The following DLG2 variants were observed in gnomAD, a reference collection of about 807,000 sequenced individuals.
The protein encoded by DLG2 is disks large homolog 2.
A neutral mutation model predicts 132.5 loss-of-function variants in DLG2; 45 were observed. The observed-to-expected ratio is 0.34, with a 90% confidence interval of 0.27 to 0.44. The LOEUF (loss-of-function observed/expected upper bound fraction) is 0.44. Among genes scored for constraint, DLG2 ranks in the 20% least tolerant of loss-of-function variants. The probability of loss-of-function intolerance (pLI) is 1.00; values close to 1 mark genes in which losing one functional copy is unlikely to be tolerated. For missense variants in DLG2, 1,045 were observed against 1,196.9 expected, an observed-to-expected ratio of 0.87 and a Z score of 1.87; for synonymous variants, 424 against 419.6, an observed-to-expected ratio of 1.01 and a Z score of -0.13.
At chr11:84,588,900 T>G (rs941420444) in intron 6 of DLG2, among the ~76,000 whole-genome samples, 3 of 152,178 alleles carry the variant, frequency 2.0e-5, no homozygotes, top group Non-Finnish European at 4.4e-5. Context: ...CTTTACTCTA[T>G]GGACTCGCCC....
At chr11:84,537,437 C>T (rs1211928849) in intron 6 of DLG2, among the ~76,000 whole-genome samples, 2 of 152,092 alleles carry the variant, frequency 1.3e-5, no homozygotes, top group African/African-American at 4.8e-5. Context: ...CATTCTCACT[C>T]CAATAATTAT....
chr11:84,565,773 G>A (rs902088046), intron 6 of DLG2, among the ~76,000 whole-genome samples: 1 of 152,000 alleles, frequency 6.6e-6, no homozygotes, highest in African/African-American at 2.4e-5. Context: ...ATTCACGTGA[G>A]CTTCCCCTAC....
At chr11:84,400,897 C>A (rs938210258) in intron 7 of DLG2, among the ~76,000 whole-genome samples, 6 of 152,024 alleles carry the variant, frequency 3.9e-5, no homozygotes, top group African/African-American at 1.4e-4. Flanking sequence ...TTCCCTCTAC[C>A]CTGTCTACTG....
At chr11:84,217,260 T>C (rs920670142) in intron 8 of DLG2, among the ~76,000 whole-genome samples, 5 of 152,200 alleles carry the variant, frequency 3.3e-5, no homozygotes, top group Non-Finnish European at 5.9e-5. Context: ...TCTTGAATTA[T>C]AGCTTCCACA....
chr11:83,578,897 C>A (rs1377665925), intron 19 of DLG2, among the ~76,000 whole-genome samples: 1 of 152,314 alleles, frequency 6.6e-6, no homozygotes, highest in Non-Finnish European at 1.5e-5. Flanking sequence ...TCAAGTCATA[C>A]AAAGAATGTT....
At chr11:84,443,691 G>T (rs968919862) in intron 7 of DLG2, among the ~76,000 whole-genome samples, 3 of 151,992 alleles carry the variant, frequency 2.0e-5, no homozygotes, top group African/African-American at 7.3e-5. Flanking sequence ...TTGGTTATTT[G>T]AACTTCCTTC....
intron 6 of DLG2, among the ~76,000 whole-genome samples, chr11:84,796,178 T>C (rs549968772): frequency 1.3e-5 from 2 of 152,312 alleles, no homozygotes; most frequent in Admixed American, 1.3e-4. Flanking sequence ...GTGACTATTA[T>C]TCATTGTATG....
chr11:83,508,647 A>C (rs2094855863), intron 21 of DLG2, among the ~76,000 whole-genome samples: 1 of 151,912 alleles, frequency 6.6e-6, no homozygotes, highest in Non-Finnish European at 1.5e-5. Flanking sequence ...ATCTCATTGA[A>C]TCCTCCCCAT....
intron 16 of DLG2, among the ~76,000 whole-genome samples, chr11:83,866,598 TTATA>T (rs770508443): frequency 2.0e-5 from 3 of 152,152 alleles, no homozygotes; most frequent in Non-Finnish European, 4.4e-5. Context: ...ATATATTTAA[TTATA>T]TAACAACGAG....
chr11:84,794,805 C>G (rs1044686068), intron 6 of DLG2, among the ~76,000 whole-genome samples: 1 of 152,254 alleles, frequency 6.6e-6, no homozygotes, highest in Non-Finnish European at 1.5e-5. Flanking sequence ...CCCCTGCTGA[C>G]TCAGCCCCCT....
At chr11:85,466,713 C>G (rs1466903167) in intron 3 of DLG2, among the ~76,000 whole-genome samples, 1 of 152,090 alleles carries the variant, frequency 6.6e-6, no homozygotes, top group Non-Finnish European at 1.5e-5. Context: ...GTTACTATAG[C>G]CTTGTAGTAT....
At chr11:84,382,557 T>C (rs929019443) in intron 7 of DLG2, among the ~76,000 whole-genome samples, 25 of 152,150 alleles carry the variant, frequency 1.6e-4, no homozygotes, top group East Asian at 1.9e-4. Flanking sequence ...AAGGTAGTGA[T>C]CAGTTATCCA....
chr11:84,694,092 A>G (rs753696219), intron 6 of DLG2, among the ~76,000 whole-genome samples: 5 of 151,592 alleles, frequency 3.3e-5, no homozygotes, highest in Non-Finnish European at 7.4e-5. Context: ...TAATTGTCAC[A>G]TTGCCTATAA....
intron 17 of DLG2, among the ~76,000 whole-genome samples, chr11:83,810,122 CT>C (rs2046892094): frequency 6.6e-6 from 1 of 152,038 alleles, no homozygotes; most frequent in African/African-American, 2.4e-5. Flanking sequence ...CCCTTCTTTT[CT>C]TTCTTTTTCA....
chr11:85,549,502 A>C (rs1257029696), intron 3 of DLG2, among the ~76,000 whole-genome samples: 1 of 152,232 alleles, frequency 6.6e-6, no homozygotes, highest in Admixed American at 6.5e-5. Flanking sequence ...TGTAAATTGT[A>C]CAAGTATGAA....
intron 15 of DLG2, among the ~76,000 whole-genome samples, chr11:83,909,359 G>C (rs995330462): frequency 6.6e-6 from 1 of 152,114 alleles, no homozygotes; most frequent in Non-Finnish European, 1.5e-5. Context: ...CAGCTGCAAG[G>C]TTTTTGCAAA....
chr11:85,430,315 C>T (rs150105477), intron 3 of DLG2, among the ~76,000 whole-genome samples: 11 of 150,558 alleles, frequency 7.3e-5, no homozygotes, highest in East Asian at 1.9e-4. Flanking sequence ...AACTAACCTG[C>T]GCGTTGTGCA....
chr11:84,933,345 T>C lies in DLG2; in HGVS notation c.357+178316A>G, dbSNP rs188031944. On this transcript the variant is annotated intron_variant, in intron 6 of 27. Coordinates refer to ENST00000376104, the MANE Select transcript of DLG2 (RefSeq NM_001142699.3). The stretch of plus-strand genomic sequence containing the variant: ...TTTTCGCTTAGGATTTCCTTGGCTT[T>C]TTGGGCTCTTTTTTGGTTCCATATG... 1.1e-3 allele frequency among the ~76,000 whole-genome samples: 164 copies of C among 152,324 alleles called. 1 individual carries two copies. Among genetic ancestry groups the C allele is most frequent in the African/African-American group, 3.8e-3 (160 of 41,574 alleles).
chr11:84,841,326 A>G (rs2080655218), intron 6 of DLG2, among the ~76,000 whole-genome samples: 2 of 151,990 alleles, frequency 1.3e-5, no homozygotes, highest in African/African-American at 4.8e-5. Context: ...TGAAAGAAAT[A>G]AAAAATAATA....
Sources: allele counts gnomAD v4.1 joint callset (sites outside exome capture counted in the v4.1 genomes callset), GRCh38; gene constraint gnomAD v4.1.1; transcripts MANE v1.5; gene names NCBI Gene and HGNC (gene_info 2026-07-23, HGNC 2026-07-21).